CACNA1C: variants seen among roughly 807,000 people sequenced by gnomAD.
The protein encoded by CACNA1C is voltage-dependent L-type calcium channel subunit alpha-1C.
In CACNA1C, 30 loss-of-function variants were observed where a neutral mutation model predicts 229.0. The ratio of observed to expected loss-of-function variants is 0.13; its 90% CI spans 0.10 to 0.18. CACNA1C has a LOEUF of 0.18. Ranked by LOEUF, CACNA1C falls within the 10% of genes least tolerant of loss-of-function variation. The probability of loss-of-function intolerance (pLI) is 1.00; values close to 1 mark genes in which losing one functional copy is unlikely to be tolerated. For missense variants in CACNA1C, 1,658 were observed against 2,845.0 expected (o/e 0.58, Z 9.49); for synonymous variants, 1,114 against 1,132.5 (o/e 0.98, Z 0.33).
intron 3 of CACNA1C, among the ~76,000 whole-genome samples, chr12:2,276,017 C>G (rs563970517): frequency 6.6e-6 from 1 of 152,172 alleles, no homozygotes; most frequent in African/African-American, 2.4e-5. Flanking sequence ...GCACATACTA[C>G]ACCATTTTAT....
At chr12:2,688,801 AG>A in intron 46 of CACNA1C, 22 bp downstream of exon 46, 3 of 1,468,450 alleles carry the variant, frequency 2.0e-6, no homozygotes, top group Non-Finnish European at 9.0e-7. Context: ...GCAGATGGGC[AG>A]GGGGGAGAGG....
At chr12:2,400,716 A>G (rs2098665238) in intron 3 of CACNA1C, among the ~76,000 whole-genome samples, 1 of 151,978 alleles carries the variant, frequency 6.6e-6, no homozygotes, top group Non-Finnish European at 1.5e-5. Context: ...TCTGCTTCCA[A>G]GCTACCTAAT....
At chr12:2,209,035 C>G (rs112538980) in intron 3 of CACNA1C, among the ~76,000 whole-genome samples, 1 of 152,170 alleles carries the variant, frequency 6.6e-6, no homozygotes, top group African/African-American at 2.4e-5. Flanking sequence ...CAGAGCCCCG[C>G]GCCAGCTCTC....
At chr12:2,344,199 G>A (rs1024175679) in intron 3 of CACNA1C, among the ~76,000 whole-genome samples, 7 of 152,140 alleles carry the variant, frequency 4.6e-5, no homozygotes, top group African/African-American at 1.4e-4. Flanking sequence ...TTTTAAGGCC[G>A]ATTGCTACTA....
At chr12:2,518,902 A>G (rs1471421816) in intron 9 of CACNA1C, among the ~76,000 whole-genome samples, 2 of 152,338 alleles carry the variant, frequency 1.3e-5, no homozygotes, top group Non-Finnish European at 2.9e-5. Flanking sequence ...AGAGCCCTGG[A>G]AACTTTAGTG....
intron 3 of CACNA1C, among the ~76,000 whole-genome samples, chr12:2,324,518 C>T (rs756965559): frequency 1.2e-4 from 19 of 152,192 alleles, no homozygotes; most frequent in Non-Finnish European, 2.5e-4. Flanking sequence ...CTGGGTCCCG[C>T]GCTTGCACTC....
chr12:2,648,536 C>T, intron 31 of CACNA1C, 29 bp downstream of exon 31: 9 of 1,610,654 alleles, frequency 5.6e-6, no homozygotes, highest in Non-Finnish European at 7.6e-6. Context: ...ACCATGCTCC[C>T]GGCTTCCGTG....
chr12:2,569,877 C>A (rs1292482132), intron 13 of CACNA1C, among the ~76,000 whole-genome samples: 1 of 152,062 alleles, frequency 6.6e-6, no homozygotes, highest in East Asian at 1.9e-4. Flanking sequence ...AAACTGTTTT[C>A]CAAAGAGACT....
At chr12:2,260,297 G>A (rs940070109) in intron 3 of CACNA1C, among the ~76,000 whole-genome samples, 3 of 151,874 alleles carry the variant, frequency 2.0e-5, no homozygotes. Context: ...GCAAGATGGT[G>A]GGACCTTGTC....
In CACNA1C at chr12:2,677,249, C is replaced by T; in HGVS notation, c.4956+28C>T. 1.2e-6 allele frequency: 2 copies of T among 1,609,968 alleles called. No homozygotes were observed. The highest frequency in any genetic ancestry group is 1.7e-6 in the Non-Finnish European group (2 of 1,177,924). On this transcript the variant is annotated intron_variant, in intron 40 of 46. Transcript: ENST00000399655. The surrounding 1 kb of genome is among the most constrained non-coding windows in gnomAD (Gnocchi z 7.4). ...GAGGGCCTGGGGGCGGGCCCACACTCCAGGAAGGTCCTGGTCATTGCCTCT... is the reference window on the plus strand; with the variant it reads ...GAGGGCCTGGGGGCGGGCCCACACTTCAGGAAGGTCCTGGTCATTGCCTCT...
chr12:2,351,211 G>A (rs112417357), intron 3 of CACNA1C, among the ~76,000 whole-genome samples: 1 of 152,198 alleles, frequency 6.6e-6, no homozygotes, highest in East Asian at 1.9e-4. Flanking sequence ...GGTACCAGTA[G>A]CAGTCACGCC....
intron 3 of CACNA1C, among the ~76,000 whole-genome samples, chr12:2,329,063 T>C (rs542998951): frequency 3.9e-5 from 6 of 152,326 alleles, no homozygotes; most frequent in East Asian, 3.9e-4. Context: ...GGATGCCTCC[T>C]GGTTTTGTGA....
chr12:2,150,878 G>A (rs950134777), intron 3 of CACNA1C, among the ~76,000 whole-genome samples: 71 of 152,302 alleles, frequency 4.7e-4, no homozygotes, highest in African/African-American at 1.6e-3. Flanking sequence ...GTGCACTTGG[G>A]AAATGCCTCT....
intron 6 of CACNA1C, among the ~76,000 whole-genome samples, chr12:2,487,011 G>A (rs2099700481): frequency 6.6e-6 from 1 of 152,174 alleles, no homozygotes; most frequent in Non-Finnish European, 1.5e-5. Context: ...TGGAGTTTTG[G>A]CTTGCAGGAT....
At chr12:2,243,819 A>G (rs749782285) in intron 3 of CACNA1C, among the ~76,000 whole-genome samples, 2 of 152,174 alleles carry the variant, frequency 1.3e-5, no homozygotes, top group African/African-American at 2.4e-5. Flanking sequence ...CCTCGCTGCA[A>G]TTGTCAGATG....
chr12:2,022,878 A>T (rs1043572260), intron 1 of CACNA1C, among the ~76,000 whole-genome samples: 2 of 152,136 alleles, frequency 1.3e-5, no homozygotes. Flanking sequence ...GTGAAGACTT[A>T]TTGTACTTAA....
chr12:2,009,243 T>TA (rs775228434), intron 1 of CACNA1C, among the ~76,000 whole-genome samples: 1 of 152,174 alleles, frequency 6.6e-6, no homozygotes, highest in East Asian at 1.9e-4. Flanking sequence ...TGTAGAATGA[T>TA]AAAAAAATAA....
chr12:2,355,275 G>T (rs1291859195), intron 3 of CACNA1C, among the ~76,000 whole-genome samples: 1 of 152,154 alleles, frequency 6.6e-6, no homozygotes, highest in African/African-American at 2.4e-5. Context: ...CTGACATGTG[G>T]CTGCATGGCC....
chr12:2,115,537 C>G lies in CACNA1C; in HGVS notation c.363C>G (p.Val121=). 1 of 1,613,214 alleles carries G rather than the reference C, an allele frequency of 6.2e-7. No individual in the cohort carries two copies. Among genetic ancestry groups the G allele is most frequent in the Non-Finnish European group, 8.5e-7 (1 of 1,179,794 alleles). ...TCCGGAGGGCCTGCATCAGCATTGT[C>G]GAATGGAAATATCCTTTGTTCACCG... ...NPIRRACISI[V]EWKPFEIIIL... is the part of the protein sequence containing the mutation. Residue 121 remains valine (V), a synonymous_variant, in exon 2 of 47, where the codon GTC becomes GTG. Transcript: ENST00000399655.
Sources: gnomAD v4.1 joint callset for allele counts (sites outside exome capture counted in the v4.1 genomes callset) on GRCh38, gnomAD v4.1.1 for gene constraint, Gnocchi (gnomAD v3.1) non-coding constraint, MANE v1.5 for transcripts, NCBI Gene and HGNC (gene_info 2026-07-23, HGNC 2026-07-21) for gene names.